HS6ST3: variants seen among roughly 807,000 people sequenced by gnomAD.
HS6ST3 encodes the protein heparan-sulfate 6-O-sulfotransferase 3.
Under a neutral mutation model 36.7 loss-of-function variants are expected in HS6ST3, and 12 were observed. The observed-to-expected ratio is 0.33, with a 90% CI of 0.21 to 0.53. HS6ST3 has a LOEUF of 0.53. Ranked by LOEUF, HS6ST3 falls within the 20% of genes least tolerant of loss-of-function variation. The probability of loss-of-function intolerance (pLI) is 0.95; values close to 1 mark genes in which losing one functional copy is unlikely to be tolerated. For synonymous variants in HS6ST3, 240 were observed against 257.5 expected (o/e 0.93, Z 0.65); for missense variants, 584 against 640.9 (o/e 0.91, Z 0.96).
At chr13:96,392,619 G>C (rs2055401548) in intron 1 of HS6ST3, among the ~76,000 whole-genome samples, 1 of 152,338 alleles carries the variant, frequency 6.6e-6, no homozygotes, top group East Asian at 1.9e-4. Context: ...AGGGTTAGGA[G>C]AGAGCTTTGA....
intron 1 of HS6ST3, among the ~76,000 whole-genome samples, chr13:96,515,593 A>G (rs2056069131): frequency 1.3e-5 from 2 of 152,148 alleles, no homozygotes; most frequent in African/African-American, 4.8e-5. Flanking sequence ...CCCGACCCAA[A>G]TCTCGTGTTG....
Position 96,596,555 on chromosome 13 carries a change from G to T in HS6ST3, c.708-235935G>T, listed in dbSNP as rs374743139. The stretch of plus-strand genomic sequence containing the variant: ...ATCTTCATACCGGTTTCCATATAGG[G>T]TGTACTAATTTATGTCACCAGCAGC... On this transcript the variant is annotated intron_variant, in intron 1 of 1. Coordinates refer to ENST00000376705, the MANE Select transcript of HS6ST3 (RefSeq NM_153456.4). Among the ~76,000 whole-genome samples, 35 of 152,090 alleles carry T rather than the reference G, an allele frequency of 2.3e-4. No individual in the cohort carries two copies. In the East Asian group the frequency reaches 2.9e-3, roughly 13 times the overall value.
intron 1 of HS6ST3, among the ~76,000 whole-genome samples, chr13:96,256,433 T>C (rs1347904665): frequency 6.6e-6 from 1 of 152,222 alleles, no homozygotes; most frequent in African/African-American, 2.4e-5. Context: ...AAAGAGGATA[T>C]TGATTCCTAT....
chr13:96,682,305 C>G (rs1594835014), intron 1 of HS6ST3, among the ~76,000 whole-genome samples: 1 of 152,102 alleles, frequency 6.6e-6, no homozygotes, highest in Non-Finnish European at 1.5e-5. Context: ...TTAAGGCATA[C>G]AATCTCCATA....
In HS6ST3 at chr13:96,839,058, G is replaced by A. The variant is rs910505346; in HGVS notation, c.*5860G>A. ...GGAACCTGTGTGAGCTACATGTTCT[G>A]CTGCATTATGGGAACTCATCAAAGG... On this transcript the variant is annotated 3_prime_UTR_variant, in exon 2 of 2. Coordinates refer to ENST00000376705, the MANE Select transcript of HS6ST3 (RefSeq NM_153456.4). 3 of 152,220 alleles carry A rather than the reference G, an allele frequency of 2.0e-5. No homozygotes were observed. Among genetic ancestry groups the A allele is most frequent in the Non-Finnish European group, 4.4e-5 (3 of 68,048 alleles). 9.4% of individuals were successfully genotyped at this position (152,220 alleles called of 1,614,324 possible).
chr13:96,737,699 C>T (rs1876323430), intron 1 of HS6ST3, among the ~76,000 whole-genome samples: 1 of 146,842 alleles, frequency 6.8e-6, no homozygotes, highest in Non-Finnish European at 1.5e-5. Context: ...TGTTAAATCA[C>T]AGAAAACTCT....
chr13:96,445,665 G>A (rs893730896), intron 1 of HS6ST3, among the ~76,000 whole-genome samples: 1 of 151,590 alleles, frequency 6.6e-6, no homozygotes, highest in African/African-American at 2.4e-5. Flanking sequence ...CCAGGAGTTC[G>A]AGACCAGCTT....
chr13:96,519,924 G>A (rs562952045), intron 1 of HS6ST3, among the ~76,000 whole-genome samples: 9 of 152,216 alleles, frequency 5.9e-5, no homozygotes, highest in African/African-American at 2.2e-4. Flanking sequence ...CAAAAATGAA[G>A]CATTATTTGA....
At chr13:96,828,213 A>G (rs1159836973) in intron 1 of HS6ST3, among the ~76,000 whole-genome samples, 2 of 152,216 alleles carry the variant, frequency 1.3e-5, no homozygotes, top group Non-Finnish European at 2.9e-5. Context: ...AGGAAAATGA[A>G]TGTTACTTAA....
chr13:96,404,164 CATGTAG>C (rs1239025908), intron 1 of HS6ST3, among the ~76,000 whole-genome samples: 1 of 152,046 alleles, frequency 6.6e-6, no homozygotes, highest in Non-Finnish European at 1.5e-5. Flanking sequence ...TTCCAAATCC[CATGTAG>C]AAGACTGGGG....
At chr13:96,523,556 G>A (rs1352428430) in intron 1 of HS6ST3, among the ~76,000 whole-genome samples, 1 of 151,918 alleles carries the variant, frequency 6.6e-6, no homozygotes, top group African/African-American at 2.4e-5. Context: ...TGGAGTTTTT[G>A]TTCATTTCCT....
At position 96,402,766 on chromosome 13, in the gene HS6ST3, T is replaced by G. The variant is rs1305885422; in HGVS notation, c.707+311197T>G. On this transcript the variant is annotated intron_variant, in intron 1 of 1. Transcript: ENST00000376705. ...TCAGTAGTTTAATCCTTTTCATTGCTGAGTGGTGTTCCATTATATGACTAT... is the reference window on the plus strand; with the variant it reads ...TCAGTAGTTTAATCCTTTTCATTGCGGAGTGGTGTTCCATTATATGACTAT... Among the ~76,000 whole-genome samples the G allele has an allele frequency of 3.9e-5, 6 of 152,234 alleles. No homozygotes were observed. The South Asian group carries it at 6.2e-4, about 16-fold the overall frequency.
chr13:96,777,629 C>A (rs943776607), intron 1 of HS6ST3, among the ~76,000 whole-genome samples: 8 of 152,096 alleles, frequency 5.3e-5, no homozygotes, highest in Non-Finnish European at 2.9e-5. Context: ...ATGTGAAGGA[C>A]CTCTTCTAGG....
chr13:96,723,545 T>C (rs1278778021), intron 1 of HS6ST3, among the ~76,000 whole-genome samples: 1 of 152,210 alleles, frequency 6.6e-6, no homozygotes, highest in African/African-American at 2.4e-5. Flanking sequence ...TAATTGTAAC[T>C]GATAAAACTT....
chr13:96,293,640 A>G (rs1012754667), intron 1 of HS6ST3, among the ~76,000 whole-genome samples: 1 of 152,120 alleles, frequency 6.6e-6, no homozygotes, highest in African/African-American at 2.4e-5. Context: ...TAAGTATTAC[A>G]TATTTTTCCT....
At position 96,401,844 on chromosome 13, in the gene HS6ST3, G is replaced by C. The variant is rs372777723; in HGVS notation, c.707+310275G>C. On this transcript the variant is annotated intron_variant, in intron 1 of 1. Coordinates refer to ENST00000376705, the MANE Select transcript of HS6ST3 (RefSeq NM_153456.4). ...CTGCCCCGGCCTCCCAAAGTGCTGG[G>C]ATTACAGGTGTGAGTCACCGCACCC... Among the ~76,000 whole-genome samples the C allele has an allele frequency of 4.8e-4, 73 of 152,282 alleles. 2 individuals are homozygous for C. The South Asian group carries it at 0.014, about 30-fold the overall frequency.
chr13:96,324,882 T>A (rs945680458), intron 1 of HS6ST3, among the ~76,000 whole-genome samples: 2 of 152,212 alleles, frequency 1.3e-5, no homozygotes, highest in African/African-American at 4.8e-5. Flanking sequence ...TCCAGAACTG[T>A]GAGACAATCC....
intron 1 of HS6ST3, among the ~76,000 whole-genome samples, chr13:96,124,084 G>A (rs548824564): frequency 5.3e-5 from 8 of 152,262 alleles, no homozygotes; most frequent in South Asian, 2.1e-4. Flanking sequence ...GCATTTTAGC[G>A]CTCATATTTT....
intron 1 of HS6ST3, among the ~76,000 whole-genome samples, chr13:96,621,515 T>C (rs979878870): frequency 6.6e-6 from 1 of 152,172 alleles, no homozygotes; most frequent in Admixed American, 6.5e-5. Flanking sequence ...CCTCCTTTCT[T>C]TATAAATTAC....
Sources: gnomAD v4.1 joint callset for allele counts (sites outside exome capture counted in the v4.1 genomes callset) on GRCh38, gnomAD v4.1.1 for gene constraint, MANE v1.5 for transcripts, NCBI Gene and HGNC (gene_info 2026-07-23, HGNC 2026-07-21) for gene names.